Variants in BCLAF1 observed in about 807,000 individuals in gnomAD.
The protein encoded by BCLAF1 is bcl-2-associated transcription factor 1.
A neutral mutation model predicts 99.5 loss-of-function variants in BCLAF1; 10 were observed. The observed-to-expected ratio is 0.10, with a 90% confidence interval of 0.06 to 0.17. BCLAF1 has a LOEUF of 0.17. Among genes scored for constraint, BCLAF1 ranks in the 10% least tolerant of loss-of-function variants. The probability of loss-of-function intolerance (pLI) is 1.00; values close to 1 mark genes in which losing one functional copy is unlikely to be tolerated. For synonymous variants in BCLAF1, 255 were observed against 370.9 expected, an observed-to-expected ratio of 0.69 and a Z score of 3.59; for missense variants, 636 against 1,105.8, an observed-to-expected ratio of 0.58 and a Z score of 6.02.
rs564786238 is a variant in BCLAF1 at position 136,271,928 on chromosome 6, A to G, written c.2043+67T>C. 10 of 1,172,656 alleles carry G rather than the reference A, an allele frequency of 8.5e-6. No individual in the cohort carries two copies. The East Asian group carries it at 1.4e-4, about 17-fold the overall frequency. 72.6% of individuals were successfully genotyped at this position (1,172,656 alleles called of 1,614,324 possible). On this transcript the variant is annotated intron_variant, in intron 8 of 12. Coordinates refer to ENST00000531224, the MANE Select transcript of BCLAF1 (RefSeq NM_014739.3). The stretch of plus-strand genomic sequence containing the variant: ...TATAGACATTTTGCCTTGAGAAACT[A>G]TATTTGGTACAATATCATTAACTAA...
At position 136,278,684 on chromosome 6, in the gene BCLAF1, C is replaced by A; in HGVS notation, c.197G>T (p.Gly66Val). ...DYRRDYRNNR[G>V]MRRPYGYRGR... ...TCTGTACCCATAAGGTCGTCTCATT[C>A]CTCTATTATTTCTGTAATCGCGACG... is the stretch of plus-strand genomic sequence containing the variant. Residue 66 changes from glycine (G) to valine (V), a missense_variant, in exon 4 of 13, where the codon GGA becomes GTA. Gly to Val is a moderately radical substitution (Grantham distance 109, BLOSUM62 -3). This residue lies in a region of BCLAF1 where 81 missense variants were observed against 132.5 expected (regional missense o/e 0.61). Transcript: ENST00000531224. The A allele has an allele frequency of 6.2e-7, 1 of 1,604,688 alleles. No homozygotes were observed. Among genetic ancestry groups the A allele is most frequent in the Admixed American group, 1.7e-5 (1 of 59,012 alleles).
chr6:136,272,113 T>C, intron 7 of BCLAF1, 34 bp from the exon 8 acceptor site: 1 of 1,453,898 alleles, frequency 6.9e-7, no homozygotes, highest in Non-Finnish European at 9.4e-7. Flanking sequence ...TTTAGTCATA[T>C]TATTAACTTT....
chr6:136,273,050 GT>G, intron 7 of BCLAF1, 31 bp downstream of exon 7: 1 of 1,535,816 alleles, frequency 6.5e-7, no homozygotes, highest in Admixed American at 1.9e-5. Context: ...TCAAAACAAC[GT>G]TTTTATATGC....
At chr6:136,262,973 C>G (rs1461060993) in intron 11 of BCLAF1, among the ~76,000 whole-genome samples, 1 of 152,156 alleles carries the variant, frequency 6.6e-6, no homozygotes, top group Non-Finnish European at 1.5e-5. Flanking sequence ...GAACACAGAT[C>G]AGCAGGAAGT....
intron 11 of BCLAF1, among the ~76,000 whole-genome samples, chr6:136,265,953 T>G (rs1781653386): frequency 6.6e-6 from 1 of 152,128 alleles, no homozygotes; most frequent in Non-Finnish European, 1.5e-5. Context: ...AATTTTTCTA[T>G]ACATCAAATG....
At chr6:136,273,050 GTTTTT>G in intron 7 of BCLAF1, 27 bp downstream of exon 7, 1 of 1,535,818 alleles carries the variant, frequency 6.5e-7, no homozygotes, top group Non-Finnish European at 8.9e-7. Flanking sequence ...TCAAAACAAC[GTTTTT>G]ATATGCCAGT....
intron 1 of BCLAF1, among the ~76,000 whole-genome samples, chr6:136,286,752 G>T (rs2128493662): frequency 6.6e-6 from 1 of 152,290 alleles, no homozygotes; most frequent in Admixed American, 6.5e-5. Flanking sequence ...CGGATCACCC[G>T]AGGTCAGGAG....
rs947815239 is a variant in BCLAF1 at position 136,257,220 on chromosome 6, A to T, written c.*3890T>A. 1 of 152,208 alleles carries T rather than the reference A, an allele frequency of 6.6e-6. No homozygotes were observed. The highest frequency in any genetic ancestry group is 2.4e-5 in the African/African-American group (1 of 41,452). The allele number at this position is 152,208 out of a possible 1,614,324, so 9.4% of individuals were successfully genotyped here. ...AAAACACCAAAAATATCCATAGGAA[A>T]AATTTTCCTATATACAGATTACAAT... On this transcript the variant is annotated 3_prime_UTR_variant, in exon 13 of 13. Transcript: ENST00000531224.
At chr6:136,269,238 A>G in intron 9 of BCLAF1, 199 bp downstream of exon 9, 1 of 1,489,332 alleles carries the variant, frequency 6.7e-7, no homozygotes, top group Non-Finnish European at 8.9e-7. Flanking sequence ...TTTCAGTGTT[A>G]GCTTGCTATT....
At chr6:136,275,777 T>C in intron 5 of BCLAF1, 66 bp downstream of exon 5, 4 of 1,567,304 alleles carry the variant, frequency 2.6e-6, no homozygotes, top group Non-Finnish European at 3.4e-6. Context: ...GTTCAGAAAG[T>C]TTAAGATAAT....
intron 1 of BCLAF1, among the ~76,000 whole-genome samples, chr6:136,286,395 T>A (rs1330993918): frequency 6.6e-6 from 1 of 152,160 alleles, no homozygotes; most frequent in African/African-American, 2.4e-5. Context: ...AGCTTCAAAT[T>A]CTGCAGGTGT....
At position 136,257,157 on chromosome 6, in the gene BCLAF1, C is replaced by G. The variant is rs577841508; in HGVS notation, c.*3953G>C. ...TTTCTATTTTCAAGAATATTACCTT[C>G]TGCACTTCATAAGTGCTACAAATCA... On this transcript the variant is annotated 3_prime_UTR_variant, in exon 13 of 13. Coordinates refer to ENST00000531224, the MANE Select transcript of BCLAF1 (RefSeq NM_014739.3). The G allele has an allele frequency of 3.5e-4, 53 of 152,294 alleles. No individual in the cohort carries two copies. The highest frequency in any genetic ancestry group is 1.3e-3 in the African/African-American group (52 of 41,544). The allele number at this position is 152,294 out of a possible 1,614,324, so 9.4% of individuals were successfully genotyped here.
rs770670055 is a variant in BCLAF1 at position 136,276,371 on chromosome 6, C to A, written c.1154G>T (p.Ser385Ile). Residue 385 changes from serine to isoleucine, a missense_variant, in exon 5 of 13, where the codon AGT (serine) becomes ATT (isoleucine). Physicochemically the swap from Ser to Ile is moderately radical, Grantham distance 142. This residue lies in a region of BCLAF1 where 186 missense variants were observed against 275.3 expected (regional missense o/e 0.68). Transcript: ENST00000531224. ...WEDQEALDYF[S>I]DKESGKQKFN... ...CTTTTGTTTTCCAGACTCTTTATCA[C>A]TGAAGTAATCTAGAGCTTCCTGATC... 6.3e-7 allele frequency: 1 copy of A among 1,583,344 alleles called. No individual in the cohort carries two copies. Among genetic ancestry groups the A allele is most frequent in the African/African-American group, 1.4e-5 (1 of 73,386 alleles).
rs1783745174 is a variant in BCLAF1 at position 136,278,156 on chromosome 6, C to T, written c.725G>A (p.Cys242Tyr). The T allele has an allele frequency of 6.2e-7, 1 of 1,610,068 alleles. No individual in the cohort carries two copies. ...IATPPSQSSSCSDAPMLSTVH... is the reference protein window; with the variant it reads ...IATPPSQSSSYSDAPMLSTVH... ...TGTACTGAGCATGGGAGCATCAGAG[C>T]AAGATGAACTCTGACTAGGTGGTGT... The change falls in exon 4 of 13, where the codon TGC becomes TAC. Residue 242 changes from cysteine (C) to tyrosine (Y), a missense_variant. Transcript: ENST00000531224.
chr6:136,285,398 C>G (rs1348777071), intron 1 of BCLAF1, among the ~76,000 whole-genome samples: 2 of 152,104 alleles, frequency 1.3e-5, no homozygotes, highest in African/African-American at 2.4e-5. Flanking sequence ...GGGGAGAAAA[C>G]AAAAGATGTG....
chr6:136,281,275 T>A (rs1222731331), intron 2 of BCLAF1, among the ~76,000 whole-genome samples: 1 of 152,174 alleles, frequency 6.6e-6, no homozygotes, highest in African/African-American at 2.4e-5. Context: ...AAAGGCAAAG[T>A]AAGAATTCCA....
At chr6:136,273,258 G>A (rs1200129175) in intron 6 of BCLAF1, 71 bp from the exon 7 acceptor site, 4 of 1,288,334 alleles carry the variant, frequency 3.1e-6, no homozygotes, top group Non-Finnish European at 3.3e-6. Flanking sequence ...GTGACAGAAG[G>A]GCATGTAGCA....
At chr6:136,272,990 A>G in intron 7 of BCLAF1, 92 bp downstream of exon 7, 1 of 828,912 alleles carries the variant, frequency 1.2e-6, no homozygotes, top group Non-Finnish European at 1.9e-6. Flanking sequence ...ACTTGTATCA[A>G]TGACAAAAAC....
chr6:136,272,848 T>C (rs1343158528), intron 7 of BCLAF1, among the ~76,000 whole-genome samples: 1 of 151,972 alleles, frequency 6.6e-6, no homozygotes, highest in Non-Finnish European at 1.5e-5. Context: ...AACTATTTAA[T>C]TCCATACTGC....
Sources: allele counts gnomAD v4.1 joint callset (sites outside exome capture counted in the v4.1 genomes callset), GRCh38; gene constraint gnomAD v4.1.1; regional missense constraint gnomAD v4.1.1; transcripts MANE v1.5; gene names NCBI Gene and HGNC (gene_info 2026-07-23, HGNC 2026-07-21).